Variants in PTPRD observed in about 807,000 individuals in gnomAD.
PTPRD encodes receptor-type tyrosine-protein phosphatase delta.
A neutral mutation model predicts 214.5 loss-of-function variants in PTPRD; 34 were observed. That is an observed-to-expected ratio of 0.16 (90% CI 0.12 to 0.21). The LOEUF is 0.21. Among genes scored for constraint, PTPRD ranks in the 10% least tolerant of loss-of-function variants. The pLI is 1.00. For synonymous variants in PTPRD, 1,128 were observed against 845.7 expected, an observed-to-expected ratio of 1.33 and a Z score of -5.79; for missense variants, 2,545 against 2,398.7, an observed-to-expected ratio of 1.06 and a Z score of -1.27.
intron 22 of PTPRD, among the ~76,000 whole-genome samples, 155 bp downstream of exon 22, chr9:8,507,146 G>C (rs1179930269): frequency 6.6e-6 from 1 of 152,062 alleles, no homozygotes; most frequent in Non-Finnish European, 1.5e-5. Context: ...TTTTCTTGGG[G>C]GGGAGGGGGA....
At chr9:8,665,651 C>G (rs949108358) in intron 12 of PTPRD, among the ~76,000 whole-genome samples, 1 of 152,160 alleles carries the variant, frequency 6.6e-6, no homozygotes, top group Non-Finnish European at 1.5e-5. Flanking sequence ...AATCTGTTTT[C>G]CTGCTTTTCC....
chr9:10,408,601 C>A (rs2098401577), intron 2 of PTPRD, among the ~76,000 whole-genome samples: 1 of 151,540 alleles, frequency 6.6e-6, no homozygotes, highest in Non-Finnish European at 1.5e-5. Context: ...TCTAGCTTTG[C>A]CAGATAATAC....
intron 6 of PTPRD, among the ~76,000 whole-genome samples, chr9:9,765,414 C>T (rs892723100): frequency 1.3e-5 from 2 of 152,072 alleles, no homozygotes; most frequent in Non-Finnish European, 2.9e-5. Flanking sequence ...TTCTGATAAC[C>T]TCAAACCAAG....
chr9:8,612,750 C>T (rs942720124), intron 14 of PTPRD, among the ~76,000 whole-genome samples: 3 of 152,158 alleles, frequency 2.0e-5, no homozygotes, highest in Non-Finnish European at 1.5e-5. Context: ...GGTGGGACCA[C>T]CCACATACAA....
At chr9:8,581,417 A>C (rs577189204) in intron 14 of PTPRD, among the ~76,000 whole-genome samples, 2 of 152,328 alleles carry the variant, frequency 1.3e-5, no homozygotes, top group South Asian at 4.1e-4. Flanking sequence ...ATCACAAAAA[A>C]GAGGGAAAAG....
At chr9:9,015,965 A>G (rs2099533312) in intron 11 of PTPRD, among the ~76,000 whole-genome samples, 1 of 152,060 alleles carries the variant, frequency 6.6e-6, no homozygotes, top group Non-Finnish European at 1.5e-5. Flanking sequence ...CTCTCTGCTA[A>G]ATGATCATAG....
At chr9:10,214,873 A>G (rs543342549) in intron 3 of PTPRD, among the ~76,000 whole-genome samples, 1 of 152,178 alleles carries the variant, frequency 6.6e-6, no homozygotes, top group East Asian at 1.9e-4. Context: ...TTGTACATGA[A>G]TGGGCCCTGA....
At chr9:8,811,300 C>T (rs1044504316) in intron 11 of PTPRD, among the ~76,000 whole-genome samples, 2 of 152,060 alleles carry the variant, frequency 1.3e-5, no homozygotes, top group South Asian at 4.1e-4. Context: ...AAGATGCTGG[C>T]ATTTATACCA....
chr9:8,330,896 A>G (rs1028545355), intron 44 of PTPRD, among the ~76,000 whole-genome samples: 1 of 150,306 alleles, frequency 6.7e-6, no homozygotes, highest in African/African-American at 2.5e-5. Context: ...ACCCTAAAAT[A>G]TATTAGTTTA....
rs918985556 is a variant in PTPRD at position 8,794,859 on chromosome 9, GA to G, written c.-103-60914del. 4.1e-4 allele frequency among the ~76,000 whole-genome samples: 59 copies of G among 143,982 alleles called. 1 individual carries two copies. Among genetic ancestry groups the G allele is most frequent in the South Asian group, 1.3e-3 (6 of 4,570 alleles). 94.5% of individuals were successfully genotyped at this position (143,982 alleles called of 152,430 possible). Reference sequence around the variant, plus strand: ...AAATTACATATGAACTTATGATCATGAAAAAAAAAAACATCAAACTGTCCAA... The same window carrying G: ...AAATTACATATGAACTTATGATCATGAAAAAAAAAACATCAAACTGTCCAA... On this transcript the variant is annotated intron_variant, in intron 11 of 45. Coordinates refer to ENST00000381196, the MANE Select transcript of PTPRD (RefSeq NM_002839.4).
At chr9:9,111,786 T>A (rs1401455746) in intron 10 of PTPRD, among the ~76,000 whole-genome samples, 5 of 152,260 alleles carry the variant, frequency 3.3e-5, no homozygotes, top group South Asian at 2.1e-4. Context: ...AAACATTTTT[T>A]AAAAAAACTC....
At chr9:9,873,934 G>C (rs1384453981) in intron 5 of PTPRD, among the ~76,000 whole-genome samples, 7 of 152,220 alleles carry the variant, frequency 4.6e-5, no homozygotes, top group Middle Eastern at 3.4e-3. Flanking sequence ...GTGTATTGAA[G>C]TAGTAATAGT....
At chr9:9,677,071 G>A (rs1445920488) in intron 7 of PTPRD, among the ~76,000 whole-genome samples, 7 of 151,924 alleles carry the variant, frequency 4.6e-5, no homozygotes, top group Admixed American at 3.9e-4. Flanking sequence ...CTCCCATTTT[G>A]TAGGTTGCCT....
intron 11 of PTPRD, among the ~76,000 whole-genome samples, chr9:8,810,345 G>A (rs929702416): frequency 6.6e-6 from 1 of 152,126 alleles, no homozygotes; most frequent in African/African-American, 2.4e-5. Context: ...TCTCCCTCCT[G>A]CTTGGTTACC....
chr9:9,237,535 G>C (rs1192795290), intron 9 of PTPRD, among the ~76,000 whole-genome samples: 34 of 152,132 alleles, frequency 2.2e-4, no homozygotes. Flanking sequence ...AGTTTGGGTA[G>C]TAATTACCCT....
chr9:8,431,956 C>A (rs1238599364), intron 35 of PTPRD, among the ~76,000 whole-genome samples: 2 of 152,148 alleles, frequency 1.3e-5, no homozygotes, highest in Non-Finnish European at 2.9e-5. Flanking sequence ...TCTGTCTGGT[C>A]CTGGGCTTTT....
intron 10 of PTPRD, among the ~76,000 whole-genome samples, chr9:9,166,857 G>A (rs1416517946): frequency 6.6e-6 from 1 of 152,040 alleles, no homozygotes; most frequent in Admixed American, 6.6e-5. Context: ...GTTGTAAGAG[G>A]TTTAAGACTA....
intron 3 of PTPRD, among the ~76,000 whole-genome samples, chr9:10,251,060 T>A (rs2092715154): frequency 6.6e-6 from 1 of 152,098 alleles, no homozygotes; most frequent in Non-Finnish European, 1.5e-5. Flanking sequence ...CATAGGGGTC[T>A]TTGAACAAGA....
intron 11 of PTPRD, among the ~76,000 whole-genome samples, chr9:8,819,624 G>A (rs1261882353): frequency 6.6e-6 from 1 of 152,142 alleles, no homozygotes; most frequent in East Asian, 1.9e-4. Context: ...TTGAGCCACT[G>A]CACTCCAGCC....
Sources: allele counts gnomAD v4.1 joint callset (sites outside exome capture counted in the v4.1 genomes callset), GRCh38; gene constraint gnomAD v4.1.1; transcripts MANE v1.5; gene names NCBI Gene and HGNC (gene_info 2026-07-23, HGNC 2026-07-21).